The following ALMS1 variants were observed in gnomAD, a reference collection of about 807,000 sequenced individuals.
ALMS1 encodes the protein ALMS1 centrosome and basal body associated protein.
A neutral mutation model predicts 352.2 loss-of-function variants in ALMS1; 271 were observed. The observed-to-expected ratio is 0.77, with a 90% CI of 0.70 to 0.85. The LOEUF (loss-of-function observed/expected upper bound fraction) is 0.85, where lower values mean the gene tolerates loss of function less well. Among genes scored for constraint, ALMS1 ranks in the 40% least tolerant of loss-of-function variants. ALMS1 has a pLI of 0.00. For synonymous variants in ALMS1, 1,865 were observed against 1,761.2 expected (o/e 1.06, Z -1.48); for missense variants, 5,445 against 4,870.7 (o/e 1.12, Z -3.51).
intron 8 of ALMS1, among the ~76,000 whole-genome samples, chr2:73,454,936 T>A (rs1015506035): frequency 6.6e-6 from 1 of 152,226 alleles, no homozygotes; most frequent in Non-Finnish European, 1.5e-5. Flanking sequence ...CGATTTAAAG[T>A]GGCTTTTTTG....
intron 16 of ALMS1, among the ~76,000 whole-genome samples, chr2:73,595,810 TTTTA>T (rs1187422058): frequency 1.3e-5 from 2 of 152,232 alleles, no homozygotes; most frequent in South Asian, 2.1e-4. Context: ...TTGTCCACCT[TTTTA>T]TTTATAGCCA....
chr2:73,536,083 A>G (rs1674021980), intron 12 of ALMS1, among the ~76,000 whole-genome samples: 1 of 152,248 alleles, frequency 6.6e-6, no homozygotes, highest in South Asian at 2.1e-4. Flanking sequence ...GTTTATAGCC[A>G]TAAATGAAGA....
rs1464602751 is a variant in ALMS1 at position 73,397,788 on chromosome 2, GT to G, written c.325-10830del. ...TAAACAGACTTTATCTTTTAGGGCAGTTTTAGGTTCACAGCCACATTGAATG... is the reference window on the plus strand; with the variant it reads ...TAAACAGACTTTATCTTTTAGGGCAGTTTAGGTTCACAGCCACATTGAATG... On this transcript the variant is annotated intron_variant, in intron 1 of 22. Transcript: ENST00000613296. 2.6e-5 allele frequency among the ~76,000 whole-genome samples: 4 copies of G among 152,134 alleles called. No individual in the cohort carries two copies. The East Asian group carries it at 7.7e-4, about 29-fold the overall frequency.
At chr2:73,462,460 T>C (rs1026050564) in intron 9 of ALMS1, among the ~76,000 whole-genome samples, 1 of 152,110 alleles carries the variant, frequency 6.6e-6, no homozygotes, top group Non-Finnish European at 1.5e-5. Flanking sequence ...AAGGAAGCGC[T>C]AAACATGGAA....
At chr2:73,577,850 G>T (rs566880293) in intron 16 of ALMS1, among the ~76,000 whole-genome samples, 2 of 152,254 alleles carry the variant, frequency 1.3e-5, no homozygotes, top group Admixed American at 1.3e-4. Flanking sequence ...AGACGAATGT[G>T]TATTCTGTTG....
At chr2:73,544,346 C>G (rs1338299125) in intron 12 of ALMS1, among the ~76,000 whole-genome samples, 1 of 152,082 alleles carries the variant, frequency 6.6e-6, no homozygotes, top group African/African-American at 2.4e-5. Flanking sequence ...AAGGGAACAT[C>G]ACACACTGGG....
At position 73,519,786 on chromosome 2, in the gene ALMS1, A is replaced by C; in HGVS notation, c.9551A>C (p.Lys3184Thr). 6.2e-7 allele frequency: 1 copy of C among 1,614,086 alleles called. No homozygotes were observed. Among genetic ancestry groups the C allele is most frequent in the Non-Finnish European group, 8.5e-7 (1 of 1,179,942 alleles). ...TPVFADRLPE[K>T]MKTPLSAFSE... ...TCTTTTTTGGTCAGATTACCAGAGA[A>C]GATGAAGACCCCACTTTCTGCTTTC... Residue 3184 changes from lysine to threonine, a missense_variant, in exon 11 of 23, where the codon AAG (lysine) becomes ACG (threonine). Lys to Thr is a moderately conservative substitution (Grantham distance 78). Coordinates refer to ENST00000613296, the MANE Select transcript of ALMS1 (RefSeq NM_001378454.1).
intron 7 of ALMS1, among the ~76,000 whole-genome samples, chr2:73,440,055 A>G (rs1671684576): frequency 6.6e-6 from 1 of 151,914 alleles, no homozygotes; most frequent in African/African-American, 2.4e-5. Context: ...ATCTCGGCTC[A>G]CTGCAAGCTC....
At chr2:73,554,823 G>A (rs1015284332) in intron 13 of ALMS1, among the ~76,000 whole-genome samples, 1 of 152,066 alleles carries the variant, frequency 6.6e-6, no homozygotes, top group Non-Finnish European at 1.5e-5. Flanking sequence ...GTAATTCACT[G>A]AACTCTTTAT....
chr2:73,419,759 T>G (rs1046929219), intron 3 of ALMS1, among the ~76,000 whole-genome samples: 9 of 152,146 alleles, frequency 5.9e-5, no homozygotes, highest in African/African-American at 2.2e-4. Context: ...AACCAAAAAT[T>G]GAGATAAAGA....
At chr2:73,421,711 G>A (rs1453898228) in intron 3 of ALMS1, among the ~76,000 whole-genome samples, 1 of 152,108 alleles carries the variant, frequency 6.6e-6, no homozygotes, top group Non-Finnish European at 1.5e-5. Context: ...ACAAGAGGGT[G>A]ATGAATTATA....
intron 1 of ALMS1, among the ~76,000 whole-genome samples, chr2:73,393,598 C>A (rs1265502674): frequency 6.6e-6 from 1 of 152,140 alleles, no homozygotes; most frequent in Non-Finnish European, 1.5e-5. Context: ...CTCTGTCATT[C>A]CATACTCTGC....
At chr2:73,406,633 A>G (rs1276972948) in intron 1 of ALMS1, among the ~76,000 whole-genome samples, 2 of 152,096 alleles carry the variant, frequency 1.3e-5, no homozygotes, top group Non-Finnish European at 2.9e-5. Context: ...GAGGATAACA[A>G]CCTGTTTAAA....
intron 12 of ALMS1, among the ~76,000 whole-genome samples, chr2:73,538,745 C>T (rs1674089160): frequency 6.6e-6 from 1 of 152,238 alleles, no homozygotes; most frequent in African/African-American, 2.4e-5. Context: ...ATATCCCGCA[C>T]CTGGCTCGGA....
intron 2 of ALMS1, among the ~76,000 whole-genome samples, chr2:73,409,402 T>G (rs911755173): frequency 2.0e-5 from 3 of 152,184 alleles, no homozygotes; most frequent in Non-Finnish European, 2.9e-5. Flanking sequence ...CATGAGCCAC[T>G]GTGCCTGTCC....
At chr2:73,408,535 A>G in intron 1 of ALMS1, 87 bp from the exon 2 acceptor site, 1 of 1,427,076 alleles carries the variant, frequency 7.0e-7, no homozygotes. Flanking sequence ...ATAAACTGGG[A>G]AGTATGGTCT....
chr2:73,545,471 G>A (rs913222362), intron 12 of ALMS1, among the ~76,000 whole-genome samples: 3 of 152,090 alleles, frequency 2.0e-5, no homozygotes, highest in African/African-American at 4.8e-5. Context: ...GTGAGCCACC[G>A]CACGTGGTCA....
In ALMS1 at chr2:73,453,905, A is replaced by G. The variant is rs747061641; in HGVS notation, c.7378A>G (p.Arg2460Gly). 2 of 1,614,096 alleles carry G rather than the reference A, an allele frequency of 1.2e-6. No homozygotes were observed. The highest frequency in any genetic ancestry group is 1.7e-6 in the Non-Finnish European group (2 of 1,179,990). ...ACCCAAGACAAGTATAACAGATAGC[A>G]GGGAGGAAGAGGGTGTGTCAGAGAG... is the stretch of plus-strand genomic sequence containing the variant. ...VSPKTSITDS[R>G]EEEGVSESED... The change falls in exon 8 of 23, where the codon AGG becomes GGG. Residue 2460 changes from arginine (R) to glycine (G), a missense_variant. By Grantham distance (125) the Arg-to-Gly change is moderately radical (BLOSUM62 -2). Coordinates refer to ENST00000613296, the MANE Select transcript of ALMS1 (RefSeq NM_001378454.1).
chr2:73,485,279 A>G (rs1466293706), intron 9 of ALMS1, among the ~76,000 whole-genome samples: 2 of 151,946 alleles, frequency 1.3e-5, no homozygotes, highest in East Asian at 1.9e-4. Flanking sequence ...CTATTTGTTA[A>G]TTTTCCTTCT....
Sources: gnomAD v4.1 joint callset for allele counts (sites outside exome capture counted in the v4.1 genomes callset) on GRCh38, gnomAD v4.1.1 for gene constraint, MANE v1.5 for transcripts, NCBI Gene and HGNC (gene_info 2026-07-23, HGNC 2026-07-21) for gene names.